Variants in MSR1 observed in about 807,000 individuals in gnomAD.
The protein encoded by MSR1 is macrophage scavenger receptor 1, also known as macrophage scavenger receptor types I and II.
A neutral mutation model predicts 47.2 loss-of-function variants in MSR1; 53 were observed. That is an observed-to-expected ratio of 1.12 (90% CI 0.90 to 1.41). The LOEUF (loss-of-function observed/expected upper bound fraction) is 1.41. Ranked by LOEUF, MSR1 falls within the 40% of genes most tolerant of loss-of-function variation. The pLI is 0.00. For missense variants in MSR1, 786 were observed against 546.9 expected, an observed-to-expected ratio of 1.44 and a Z score of -4.36; for synonymous variants, 239 against 185.6, an observed-to-expected ratio of 1.29 and a Z score of -2.34.
chr8:16,131,125 C>A (rs188786522), intron 8 of MSR1, among the ~76,000 whole-genome samples: 2 of 152,196 alleles, frequency 1.3e-5, no homozygotes, highest in South Asian at 4.2e-4. Flanking sequence ...CTTTTCTCCA[C>A]GAACTCGTCA....
At chr8:16,158,395 GAACAA>G (rs1801068537) in intron 5 of MSR1, among the ~76,000 whole-genome samples, 1 of 151,896 alleles carries the variant, frequency 6.6e-6, no homozygotes, top group African/African-American at 2.4e-5. Context: ...CAATATCATA[GAACAA>G]AATTACACAA....
intron 5 of MSR1, among the ~76,000 whole-genome samples, chr8:16,159,158 G>A (rs1267198401): frequency 1.3e-5 from 2 of 151,288 alleles, no homozygotes; most frequent in Non-Finnish European, 3.0e-5. Context: ...AAATTCAAAT[G>A]CCCTCAGTTG....
chr8:16,110,949 T>C (rs985081035), intron 9 of MSR1, among the ~76,000 whole-genome samples: 1 of 152,076 alleles, frequency 6.6e-6, no homozygotes, highest in Non-Finnish European at 1.5e-5. Flanking sequence ...TATAACAGTA[T>C]TGAGGCTTTT....
intron 6 of MSR1, among the ~76,000 whole-genome samples, chr8:16,152,318 C>A (rs1055802613): frequency 1.3e-5 from 2 of 152,068 alleles, no homozygotes; most frequent in Admixed American, 6.6e-5. Flanking sequence ...AGGATCCTGT[C>A]CTTGCTGAAG....
At chr8:16,127,319 G>C (rs940446925) in intron 8 of MSR1, among the ~76,000 whole-genome samples, 2 of 152,098 alleles carry the variant, frequency 1.3e-5, no homozygotes, top group African/African-American at 4.8e-5. Context: ...CACTTAGAGA[G>C]TTACAAATCA....
rs757821795 is a variant in MSR1, at chr8:16,155,130, G to A, written c.832C>T (p.Pro278Ser). Residue 278 changes from proline (P) to serine (S), a missense_variant, in exon 6 of 10, where the codon CCG becomes TCG. By Grantham distance (74) the Pro-to-Ser change is moderately conservative. Transcript: ENST00000262101. ...GGACCTCGATCTCCTTTTTCACCCG[G>A]GGGTCCAGGAGGACCTTTAAAAAAA... ...ITLIQGPPGP[P>S]GEKGDRGPTG... 1 of 1,611,620 alleles carries A rather than the reference G, an allele frequency of 6.2e-7. No individual in the cohort carries two copies. The highest frequency in any genetic ancestry group is 1.3e-5 in the African/African-American group (1 of 74,778).
At chr8:16,143,145 G>A (rs929689746) in intron 8 of MSR1, among the ~76,000 whole-genome samples, 6 of 152,162 alleles carry the variant, frequency 3.9e-5, no homozygotes, top group African/African-American at 2.4e-5. Context: ...AAGAGCCCCA[G>A]ACATCAGATA....
rs569395483 is a variant in MSR1, at chr8:16,116,791, T to C, written c.1222+3627A>G. ...AGGACAATAGTCTTCAGCTATGTTT[T>C]TCTCACCTATGTTTGTAACTCCAGT... On this transcript the variant is annotated intron_variant, in intron 9 of 9. Transcript: ENST00000262101. Among the ~76,000 whole-genome samples the C allele has an allele frequency of 2.0e-5, 3 of 152,248 alleles. No individual in the cohort carries two copies. In the East Asian group the frequency reaches 5.8e-4, roughly 29 times the overall value.
chr8:16,123,541 G>C (rs1195149379), intron 8 of MSR1, among the ~76,000 whole-genome samples: 3 of 150,512 alleles, frequency 2.0e-5, no homozygotes, highest in Admixed American at 6.6e-5. Context: ...TTTTCCATTT[G>C]GGTATTTTTA....
chr8:16,153,658 C>A (rs1800921098), intron 6 of MSR1, among the ~76,000 whole-genome samples: 1 of 151,936 alleles, frequency 6.6e-6, no homozygotes, highest in Admixed American at 6.6e-5. Flanking sequence ...CATACATTCA[C>A]AGTTCAGAAA....
intron 5 of MSR1, among the ~76,000 whole-genome samples, chr8:16,159,066 C>A (rs1021905905): frequency 6.6e-6 from 1 of 150,744 alleles, no homozygotes; most frequent in East Asian, 2.0e-4. Context: ...CCTCCCAAAG[C>A]GCTGGGATTA....
intron 1 of MSR1, among the ~76,000 whole-genome samples, chr8:16,190,494 A>T (rs2116955337): frequency 6.6e-6 from 1 of 152,192 alleles, no homozygotes; most frequent in Non-Finnish European, 1.5e-5. Context: ...TTATTAATGT[A>T]AGAGAGAGAT....
intron 9 of MSR1, among the ~76,000 whole-genome samples, chr8:16,113,664 C>A (rs1250476160): frequency 1.3e-5 from 2 of 152,124 alleles, no homozygotes; most frequent in African/African-American, 4.8e-5. Flanking sequence ...AGAGAAACCA[C>A]TCATTTTTCC....
chr8:16,140,699 G>C, intron 8 of MSR1: 1 of 1,344,660 alleles, frequency 7.4e-7, no homozygotes, highest in Non-Finnish European at 9.5e-7. Flanking sequence ...AGAGAACTGA[G>C]GACTGGTTGG....
chr8:16,114,990 C>G (rs1799843906), intron 9 of MSR1, among the ~76,000 whole-genome samples: 1 of 151,940 alleles, frequency 6.6e-6, no homozygotes, highest in African/African-American at 2.4e-5. Context: ...CCAGCCTGAC[C>G]ACCATGGAGA....
intron 8 of MSR1, among the ~76,000 whole-genome samples, chr8:16,123,696 T>C (rs938858732): frequency 1.3e-5 from 2 of 150,754 alleles, no homozygotes; most frequent in Non-Finnish European, 2.9e-5. Flanking sequence ...GCCTAAACGA[T>C]TTCGTGTATT....
intron 6 of MSR1, among the ~76,000 whole-genome samples, chr8:16,154,384 T>A (rs1800942233): frequency 6.6e-6 from 1 of 151,926 alleles, no homozygotes; most frequent in African/African-American, 2.4e-5. Context: ...GCAAAGAAAG[T>A]TCATGTTCTC....
At chr8:16,174,379 T>C (rs1801578695) in intron 3 of MSR1, among the ~76,000 whole-genome samples, 1 of 152,176 alleles carries the variant, frequency 6.6e-6, no homozygotes, top group South Asian at 2.1e-4. Flanking sequence ...CTATAAGGCA[T>C]ATAAATTCAA....
intron 9 of MSR1, among the ~76,000 whole-genome samples, chr8:16,111,960 A>ATT (rs1799765317): frequency 6.7e-6 from 1 of 149,426 alleles, no homozygotes; most frequent in Non-Finnish European, 1.5e-5. Context: ...TTATTTAGCA[A>ATT]ATCTCCTTTG....
Sources: gnomAD v4.1 joint callset for allele counts (sites outside exome capture counted in the v4.1 genomes callset) on GRCh38, gnomAD v4.1.1 for gene constraint, MANE v1.5 for transcripts, NCBI Gene and HGNC (gene_info 2026-07-23, HGNC 2026-07-21) for gene names.